NCOA5: variants seen among roughly 807,000 people sequenced by gnomAD.
The protein encoded by NCOA5 is NCoA-5.
A neutral mutation model predicts 59.0 loss-of-function variants in NCOA5; 12 were observed. The observed-to-expected ratio is 0.20, with a 90% CI of 0.13 to 0.33. The LOEUF (loss-of-function observed/expected upper bound fraction) is 0.33, where lower values mean the gene tolerates loss of function less well. NCOA5 is among the 10% of genes least tolerant of loss of function. The probability of loss-of-function intolerance (pLI) is 1.00; values close to 1 mark genes in which losing one functional copy is unlikely to be tolerated. For missense variants in NCOA5, 655 were observed against 766.6 expected, an observed-to-expected ratio of 0.85 and a Z score of 1.72; for synonymous variants, 270 against 275.5, an observed-to-expected ratio of 0.98 and a Z score of 0.20.
intron 3 of NCOA5, among the ~76,000 whole-genome samples, chr20:46,068,990 A>G (rs2084853510): frequency 6.6e-6 from 1 of 151,986 alleles, no homozygotes; most frequent in Non-Finnish European, 1.5e-5. Flanking sequence ...TTTTTTTAGT[A>G]GAGATGGAGT....
Position 46,068,792 on chromosome 20 carries a change from T to A in NCOA5, c.366-154A>T, listed in dbSNP as rs3092502. On this transcript the variant is annotated intron_variant, in intron 3 of 7. Coordinates refer to ENST00000290231, the MANE Select transcript of NCOA5 (RefSeq NM_020967.3). ...CTGTGATAGAGTTAACCTGTCTCACTGAGATGATGTACAGAAAGCACTTAG... is the reference window on the plus strand; with the variant it reads ...CTGTGATAGAGTTAACCTGTCTCACAGAGATGATGTACAGAAAGCACTTAG... 3.9e-4 allele frequency among the ~76,000 whole-genome samples: 59 copies of A among 151,998 alleles called. 1 individual carries two copies. Among genetic ancestry groups the A allele is most frequent in the Admixed American group, 3.8e-3 (58 of 15,276 alleles).
intron 3 of NCOA5, 49 bp downstream of exon 3, chr20:46,070,161 T>C: frequency 6.9e-7 from 1 of 1,452,806 alleles, no homozygotes; most frequent in Non-Finnish European, 9.5e-7. Context: ...TAGCAGAACA[T>C]ACATAAAAAG....
chr20:46,064,935 A>C, intron 6 of NCOA5, 94 bp downstream of exon 6: 2 of 1,219,938 alleles, frequency 1.6e-6, no homozygotes, highest in Non-Finnish European at 2.4e-6. Flanking sequence ...GAACTGAGAT[A>C]TAAGAGTCAT....
rs1327975089 is a variant in NCOA5, at chr20:46,063,613, A to G, written c.897T>C (p.Asn299=). Residue 299 remains asparagine, a synonymous_variant, in exon 7 of 8, where the codon AAT becomes AAC. Transcript: ENST00000290231. ...LVARNYERYK[N]ECREKEREEI... is the part of the protein sequence containing the mutation. The stretch of plus-strand genomic sequence containing the variant: ...CCTCACGTTCCTTCTCCCGGCACTC[A>G]TTCTTGTAACGCTCATAATTTCTGG... 7 of 1,613,912 alleles carry G rather than the reference A, an allele frequency of 4.3e-6. No homozygotes were observed. The highest frequency in any genetic ancestry group is 5.9e-6 in the Non-Finnish European group (7 of 1,180,026).
At chr20:46,065,342 C>A in intron 5 of NCOA5, 114 bp from the exon 6 acceptor site, 1 of 954,972 alleles carries the variant, frequency 1.0e-6, no homozygotes, top group East Asian at 2.5e-5. Context: ...ACCCCAGTAC[C>A]GTATTCAGGA....
At chr20:46,073,274 T>C (rs751668253) in intron 2 of NCOA5, among the ~76,000 whole-genome samples, 1 of 152,202 alleles carries the variant, frequency 6.6e-6, no homozygotes, top group Non-Finnish European at 1.5e-5. Context: ...AAAAACAATT[T>C]AAATGCCAAT....
chr20:46,063,622 A>G lies in NCOA5; in HGVS notation c.888T>C (p.Arg296=), dbSNP rs772337285. ...AMVLVARNYE[R]YKNECREKER... ...CCTTCTCCCGGCACTCATTCTTGTA[A>G]CGCTCATAATTTCTGGCCACCAGCA... The change falls in exon 7 of 8, where the codon CGT becomes CGC. Residue 296 remains arginine (R), a synonymous_variant. Coordinates refer to ENST00000290231, the MANE Select transcript of NCOA5 (RefSeq NM_020967.3). The G allele has an allele frequency of 4.3e-6, 7 of 1,613,946 alleles. No individual in the cohort carries two copies. Among genetic ancestry groups the G allele is most frequent in the South Asian group, 1.1e-5 (1 of 91,066 alleles).
In NCOA5 at chr20:46,062,408, C is replaced by T; in HGVS notation, c.1632G>A (p.Leu544=). 1.9e-6 allele frequency: 3 copies of T among 1,614,122 alleles called. No homozygotes were observed. Among genetic ancestry groups the T allele is most frequent in the East Asian group, 2.2e-5 (1 of 44,874 alleles). Residue 544 remains leucine, a synonymous_variant, in exon 8 of 8, where the codon CTG becomes CTA. Transcript: ENST00000290231. ...NFDNPSVQKA[L]DTLIQSGPAL... is the part of the protein sequence containing the mutation. ...CAGGGCCACTCTGGATCAGGGTATCCAGAGCCTTCTGTACACTTGGATTGT... is the reference window on the plus strand; with the variant it reads ...CAGGGCCACTCTGGATCAGGGTATCTAGAGCCTTCTGTACACTTGGATTGT...
Position 46,063,376 on chromosome 20 carries a change from G to T in NCOA5, c.1134C>A (p.Ser378Arg). Residue 378 changes from serine (S) to arginine (R), a missense_variant, in exon 7 of 8, where the codon AGC (serine) becomes AGA (arginine). Physicochemically the swap from Ser to Arg is moderately radical, Grantham distance 110 (BLOSUM62 -1). This residue lies in a region of NCOA5 where 325 missense variants were observed against 353.2 expected (regional missense o/e 0.92). Coordinates refer to ENST00000290231, the MANE Select transcript of NCOA5 (RefSeq NM_020967.3). Reference protein sequence around the residue: ...RERKERLMRSSTDSLPGPISR... With the variant: ...RERKERLMRSRTDSLPGPISR... ...GTAGCTCACCAGGCAGAGAGTCGGTGCTGCTCCTCATCAGCCGCTCCTTCC... is the reference window on the plus strand; with the variant it reads ...GTAGCTCACCAGGCAGAGAGTCGGTTCTGCTCCTCATCAGCCGCTCCTTCC... 1 of 1,613,064 alleles carries T rather than the reference G, an allele frequency of 6.2e-7. No homozygotes were observed.
chr20:46,073,193 TAC>T (rs145877307), intron 2 of NCOA5, among the ~76,000 whole-genome samples: 3,886 of 152,298 alleles, frequency 0.026, 166 homozygotes, highest in African/African-American at 0.089. Context: ...CTACCATGGT[TAC>T]ACACGTTAGG....
intron 1 of NCOA5, among the ~76,000 whole-genome samples, chr20:46,081,355 T>C (rs1317844211): frequency 6.6e-6 from 1 of 152,130 alleles, no homozygotes; most frequent in Non-Finnish European, 1.5e-5. Context: ...ACTGTATAAT[T>C]ATAGCCAGTT....
At chr20:46,071,794 TCTTCCAAGAAAC>T (rs748613366) in intron 2 of NCOA5, among the ~76,000 whole-genome samples, 1 of 152,228 alleles carries the variant, frequency 6.6e-6, no homozygotes, top group Non-Finnish European at 1.5e-5. Flanking sequence ...GTGTCCCATG[TCTTCCAAGAAAC>T]CTTCCCTACC....
chr20:46,068,976 A>T lies in NCOA5; in HGVS notation c.366-338T>A, dbSNP rs186268564. 4.7e-3 allele frequency among the ~76,000 whole-genome samples: 708 copies of T among 149,804 alleles called. 8 individuals are homozygous for T. Among genetic ancestry groups the T allele is most frequent in the African/African-American group, 0.016 (635 of 40,926 alleles). On this transcript the variant is annotated intron_variant, in intron 3 of 7. Coordinates refer to ENST00000290231, the MANE Select transcript of NCOA5 (RefSeq NM_020967.3). ...TTTAACAATTTTTATTATTATTATT[A>T]TTTTTTTTTTAGTAGAGATGGAGTT... is the stretch of plus-strand genomic sequence containing the variant.
In NCOA5 at chr20:46,070,361, G is replaced by A. The variant is rs200284021; in HGVS notation, c.214C>T (p.His72Tyr). 166 of 1,613,326 alleles carry A rather than the reference G, an allele frequency of 1.0e-4. No homozygotes were observed. Among genetic ancestry groups the A allele is most frequent in the Non-Finnish European group, 1.2e-4 (139 of 1,179,956 alleles). ...TCGCGCACACTCCTGCTGTCTCTGT[G>A]ATCCCGCAAATCTCTACTATGTCTG... ...DHRHSRDLRD[H>Y]RDSRSVRDVR... The change falls in exon 3 of 8, where the codon CAC becomes TAC. Residue 72 changes from histidine (H) to tyrosine (Y), a missense_variant. This residue lies in a region of NCOA5 where 250 missense variants were observed against 260.1 expected (regional missense o/e 0.96). Coordinates refer to ENST00000290231, the MANE Select transcript of NCOA5 (RefSeq NM_020967.3).
At chr20:46,072,029 C>T (rs755838791) in intron 2 of NCOA5, among the ~76,000 whole-genome samples, 2 of 152,220 alleles carry the variant, frequency 1.3e-5, no homozygotes, top group African/African-American at 2.4e-5. Context: ...GCACATCCAA[C>T]TACTCAGTTA....
chr20:46,066,301 T>A (rs1301023782), intron 5 of NCOA5, among the ~76,000 whole-genome samples: 1 of 152,206 alleles, frequency 6.6e-6, no homozygotes, highest in East Asian at 1.9e-4. Context: ...CTATAAGCCC[T>A]AGCTTGGTAA....
At chr20:46,088,688 CAA>C (rs1385004270) in intron 1 of NCOA5, among the ~76,000 whole-genome samples, 3 of 152,174 alleles carry the variant, frequency 2.0e-5, no homozygotes, top group Non-Finnish European at 2.9e-5. Flanking sequence ...TTTAAGTCAA[CAA>C]AGAGAACAGT....
chr20:46,086,665 A>G (rs185722447), intron 1 of NCOA5, among the ~76,000 whole-genome samples: 12 of 152,328 alleles, frequency 7.9e-5, no homozygotes, highest in African/African-American at 2.9e-4. Flanking sequence ...TGTGCTATTC[A>G]CAGGACAACT....
At chr20:46,077,972 C>A (rs1748351132) in intron 2 of NCOA5, among the ~76,000 whole-genome samples, 1 of 152,202 alleles carries the variant, frequency 6.6e-6, no homozygotes, top group Non-Finnish European at 1.5e-5. Context: ...ACAAATCAAC[C>A]AACAGAGTAT....
Sources: gnomAD v4.1 joint callset for allele counts (sites outside exome capture counted in the v4.1 genomes callset) on GRCh38, gnomAD v4.1.1 for gene constraint, gnomAD v4.1.1 regional missense constraint, MANE v1.5 for transcripts, NCBI Gene and HGNC (gene_info 2026-07-23, HGNC 2026-07-21) for gene names.